TG: variants seen among roughly 807,000 people sequenced by gnomAD.
TG encodes thyroglobulin.
Under a neutral mutation model 324.7 loss-of-function variants are expected in TG, and 270 were observed. The observed-to-expected ratio is 0.83, with a 90% CI of 0.75 to 0.92. The LOEUF (loss-of-function observed/expected upper bound fraction) is 0.92, where lower values mean the gene tolerates loss of function less well. Among genes scored for constraint, TG ranks in the 40% least tolerant of loss-of-function variants. The pLI, the probability that TG is intolerant of heterozygous loss-of-function variation, is 0.00. For synonymous variants in TG, 1,401 were observed against 1,327.0 expected, an observed-to-expected ratio of 1.06 and a Z score of -1.21; for missense variants, 3,591 against 3,456.4, an observed-to-expected ratio of 1.04 and a Z score of -0.98.
chr8:133,095,534 C>T (rs947225840), intron 42 of TG, among the ~76,000 whole-genome samples: 3 of 152,166 alleles, frequency 2.0e-5, no homozygotes, highest in South Asian at 4.1e-4. Context: ...ACTCCAGGAC[C>T]GTGGTGGGCA....
intron 8 of TG, among the ~76,000 whole-genome samples, chr8:132,884,741 G>T (rs1390375302): frequency 6.6e-6 from 1 of 152,218 alleles, no homozygotes; most frequent in Non-Finnish European, 1.5e-5. Context: ...GCTCTATCAA[G>T]TGCATAGATA....
intron 41 of TG, among the ~76,000 whole-genome samples, chr8:133,055,719 TA>T (rs1431841988): frequency 2.0e-5 from 3 of 152,110 alleles, no homozygotes. Flanking sequence ...TCAAAATGAA[TA>T]TTTTGGACTG....
At chr8:132,995,327 A>G in intron 35 of TG, 1 of 985,132 alleles carries the variant, frequency 1.0e-6, no homozygotes, top group African/African-American at 1.7e-5. Context: ...AAATGGAATG[A>G]GCAGCAGCTG....
intron 41 of TG, chr8:133,058,923 T>C (rs1564132175): frequency 8.8e-6 from 4 of 452,176 alleles, no homozygotes; most frequent in Non-Finnish European, 1.8e-5. Context: ...TTGAAAGGGG[T>C]GTGGGGTGGC....
intron 27 of TG, among the ~76,000 whole-genome samples, chr8:132,955,398 C>T (rs1339331239): frequency 6.6e-6 from 1 of 152,176 alleles, no homozygotes; most frequent in East Asian, 1.9e-4. Flanking sequence ...CAGCTGAACT[C>T]AACTCACCTT....
chr8:133,116,570 A>G, intron 44 of TG, 39 bp from the exon 45 acceptor site: 1 of 1,583,862 alleles, frequency 6.3e-7, no homozygotes, highest in Non-Finnish European at 8.7e-7. Context: ...CCATAGAGCC[A>G]TGTTTAACCA....
rs183681709 is a variant in TG at position 133,038,432 on chromosome 8, C to T, written c.7239+8409C>T. The stretch of plus-strand genomic sequence containing the variant: ...TGGCTTCTAAAATACGTGAGGCTCC[C>T]AGGGATCAGGGAACCTCGCTTTTCG... On this transcript the variant is annotated intron_variant, in intron 41 of 47. Transcript: ENST00000220616. The T allele has an allele frequency of 1.0e-4, 99 of 974,518 alleles. No individual in the cohort carries two copies. In the East Asian group the frequency reaches 1.8e-3, roughly 17 times the overall value. 60.4% of individuals were successfully genotyped at this position (974,518 alleles called of 1,614,324 possible).
rs966227897 is a variant in TG, at chr8:132,884,575, T to A, written c.1075+1576T>A. 3.3e-4 allele frequency among the ~76,000 whole-genome samples: 50 copies of A among 152,236 alleles called. 1 individual carries two copies. Among genetic ancestry groups the A allele is most frequent in the South Asian group, 2.1e-4 (1 of 4,838 alleles). ...TGGTATGTGGTTATATTCTATCTGC[T>A]AAGTGTGAGAATGTCGAAAAAGAAA... On this transcript the variant is annotated intron_variant, in intron 8 of 47. Coordinates refer to ENST00000220616, the MANE Select transcript of TG (RefSeq NM_003235.5).
At position 133,013,459 on chromosome 8, in the gene TG, A is replaced by G. The variant is rs1587761492; in HGVS notation, c.6398-141A>G. The G allele has an allele frequency of 5.9e-6, 6 of 1,019,190 alleles. No homozygotes were observed. The East Asian group carries it at 1.4e-4, about 25-fold the overall frequency. 63.1% of individuals were successfully genotyped at this position (1,019,190 alleles called of 1,614,324 possible). ...GATGAATGGATGGATAGACGGATGG[A>G]TTCATGGATGCATGATTGGATAGAA... On this transcript the variant is annotated intron_variant, in intron 36 of 47. Coordinates refer to ENST00000220616, the MANE Select transcript of TG (RefSeq NM_003235.5).
intron 46 of TG, among the ~76,000 whole-genome samples, chr8:133,132,364 A>G (rs1485886321): frequency 6.6e-6 from 1 of 152,194 alleles, no homozygotes; most frequent in Non-Finnish European, 1.5e-5. Flanking sequence ...CTGGAGGGAA[A>G]ACCACTTGGA....
chr8:133,088,140 G>T (rs1269433067), intron 41 of TG, among the ~76,000 whole-genome samples: 1 of 152,196 alleles, frequency 6.6e-6, no homozygotes, highest in African/African-American at 2.4e-5. Flanking sequence ...GTGAATCAAA[G>T]CAACTTGGGA....
chr8:133,012,767 G>A (rs61028963), intron 36 of TG, among the ~76,000 whole-genome samples: 2,148 of 152,326 alleles, frequency 0.014, 52 homozygotes, highest in African/African-American at 0.049. Flanking sequence ...TGCAGGTTAT[G>A]CACTGCACAC....
chr8:133,060,239 C>T (rs1842176629), intron 41 of TG: 1 of 1,612,354 alleles, frequency 6.2e-7, no homozygotes, highest in South Asian at 1.1e-5. Context: ...TCAACCGTGC[C>T]CTGAGCCCTC....
chr8:133,074,343 T>C (rs904494201), intron 41 of TG, among the ~76,000 whole-genome samples: 5 of 152,174 alleles, frequency 3.3e-5, no homozygotes, highest in Non-Finnish European at 5.9e-5. Context: ...CCTTTAGACA[T>C]CATGACTCCA....
At chr8:132,924,799 T>C (rs369694576) in intron 22 of TG, among the ~76,000 whole-genome samples, 5 of 152,324 alleles carry the variant, frequency 3.3e-5, no homozygotes, top group East Asian at 3.9e-4. Flanking sequence ...TGTAAGAGTG[T>C]TGAGTGCCTT....
chr8:132,974,556 C>T (rs1047602443), intron 34 of TG, among the ~76,000 whole-genome samples: 8 of 152,168 alleles, frequency 5.3e-5, no homozygotes, highest in African/African-American at 1.9e-4. Flanking sequence ...ACCTGATGAC[C>T]CCAAACTTAT....
intron 43 of TG, among the ~76,000 whole-genome samples, chr8:133,107,750 A>T (rs1158474842): frequency 6.6e-6 from 1 of 152,062 alleles, no homozygotes; most frequent in African/African-American, 2.4e-5. Flanking sequence ...ATCCCCATAA[A>T]ATGTGGAACT....
chr8:132,990,531 G>T (rs7844649), intron 35 of TG, among the ~76,000 whole-genome samples: 1 of 148,832 alleles, frequency 6.7e-6, no homozygotes, highest in Non-Finnish European at 1.5e-5. Flanking sequence ...CATTTTTCCC[G>T]TCCCCCTGGA....
intron 16 of TG, among the ~76,000 whole-genome samples, chr8:132,901,867 G>A (rs921436741): frequency 7.9e-5 from 12 of 152,176 alleles, no homozygotes; most frequent in Admixed American, 2.6e-4. Flanking sequence ...GAGAAGGACC[G>A]TGGTTGCAGG....
Sources: allele counts gnomAD v4.1 joint callset (sites outside exome capture counted in the v4.1 genomes callset), GRCh38; gene constraint gnomAD v4.1.1; transcripts MANE v1.5; gene names NCBI Gene and HGNC (gene_info 2026-07-23, HGNC 2026-07-21).